Variants in SCAPER observed in about 807,000 individuals in gnomAD.
SCAPER encodes S-phase cyclin A associated protein in the ER.
Under a neutral mutation model 182.2 loss-of-function variants are expected in SCAPER, and 98 were observed. The observed-to-expected ratio is 0.54, with a 90% confidence interval of 0.46 to 0.64. SCAPER has a LOEUF of 0.64. SCAPER is among the 30% of genes least tolerant of loss of function. The probability of loss-of-function intolerance (pLI) is 0.00; values close to 1 mark genes in which losing one functional copy is unlikely to be tolerated. For missense variants in SCAPER, 1,432 were observed against 1,690.0 expected (o/e 0.85, Z 2.68); for synonymous variants, 605 against 564.6 (o/e 1.07, Z -1.01).
intron 2 of SCAPER, among the ~76,000 whole-genome samples, chr15:76,873,321 G>C (rs1224393622): frequency 7.9e-6 from 1 of 125,942 alleles, no homozygotes; most frequent in Non-Finnish European, 1.6e-5. Context: ...AAGGAAGGAA[G>C]GAAGGAAGGA....
chr15:76,380,543 T>C (rs1465074819), intron 28 of SCAPER: 1 of 152,206 alleles, frequency 6.6e-6, no homozygotes, highest in Non-Finnish European at 1.5e-5. Context: ...TTTTCATACA[T>C]TTGTTTCTCT....
At chr15:76,695,208 T>G (rs1046212296) in intron 20 of SCAPER, among the ~76,000 whole-genome samples, 24 of 152,214 alleles carry the variant, frequency 1.6e-4, no homozygotes, top group African/African-American at 5.8e-4. Flanking sequence ...CTAACATAGC[T>G]AAAAATCTGT....
chr15:76,537,531 C>T (rs2044289098), intron 23 of SCAPER, among the ~76,000 whole-genome samples: 1 of 152,122 alleles, frequency 6.6e-6, no homozygotes, highest in South Asian at 2.1e-4. Flanking sequence ...AAAGCTGAAA[C>T]TGGATCCCTT....
At chr15:76,769,085 T>C (rs1568070420) in intron 10 of SCAPER, among the ~76,000 whole-genome samples, 2 of 152,058 alleles carry the variant, frequency 1.3e-5, no homozygotes, top group Non-Finnish European at 2.9e-5. Flanking sequence ...TTTTGCAATC[T>C]ACCCATCTGA....
At chr15:76,421,283 C>T (rs1357486955) in intron 26 of SCAPER, among the ~76,000 whole-genome samples, 12 of 152,042 alleles carry the variant, frequency 7.9e-5, no homozygotes, top group Admixed American at 6.6e-4. Flanking sequence ...CCAGCACCTG[C>T]TGTTTCCTGA....
At chr15:76,353,528 T>C (rs2040745770) in intron 30 of SCAPER, among the ~76,000 whole-genome samples, 1 of 152,234 alleles carries the variant, frequency 6.6e-6, no homozygotes, top group Non-Finnish European at 1.5e-5. Context: ...ATTTTATACA[T>C]ATAAGAAAAT....
chr15:76,547,162 CA>C (rs1244869869), intron 23 of SCAPER, among the ~76,000 whole-genome samples: 1 of 152,166 alleles, frequency 6.6e-6, no homozygotes. Flanking sequence ...CTCTCACCAG[CA>C]GTGTACAGGT....
At chr15:76,524,687 CTGTTT>C (rs2043057166) in intron 23 of SCAPER, among the ~76,000 whole-genome samples, 1 of 25,934 alleles carries the variant, frequency 3.9e-5, no homozygotes, top group Non-Finnish European at 8.0e-5. Context: ...TTTTTTTGTT[CTGTTT>C]TTTTTTTTTT....
chr15:76,428,889 T>TATATATATATATATATATATAG, intron 26 of SCAPER, among the ~76,000 whole-genome samples: 1 of 138,982 alleles, frequency 7.2e-6, no homozygotes, highest in Non-Finnish European at 1.5e-5. Context: ...TATATATATA[T>TATATATATATATATATATATAG]ATATAAACAT....
chr15:76,647,293 T>G (rs1010556614), intron 21 of SCAPER, among the ~76,000 whole-genome samples: 7 of 152,222 alleles, frequency 4.6e-5, no homozygotes, highest in Non-Finnish European at 8.8e-5. Context: ...TATTAAGGCC[T>G]TGACAATTTT....
chr15:76,495,924 T>A (rs79838836), intron 24 of SCAPER, among the ~76,000 whole-genome samples: 2 of 151,304 alleles, frequency 1.3e-5, no homozygotes, highest in Non-Finnish European at 2.9e-5. Flanking sequence ...AGCTGTAGGA[T>A]TAAAGTTCTG....
chr15:76,458,286 T>C (rs1396078740), intron 25 of SCAPER, among the ~76,000 whole-genome samples: 1 of 151,882 alleles, frequency 6.6e-6, no homozygotes, highest in Non-Finnish European at 1.5e-5. Flanking sequence ...TGTGCGTGTA[T>C]ATAAAGGGAA....
intron 21 of SCAPER, among the ~76,000 whole-genome samples, chr15:76,628,599 T>C (rs2052804057): frequency 6.6e-6 from 1 of 152,176 alleles, no homozygotes; most frequent in Non-Finnish European, 1.5e-5. Flanking sequence ...TGGCCTTATT[T>C]CTGGGCTCTG....
chr15:76,647,160 T>G (rs2146467191), intron 21 of SCAPER, among the ~76,000 whole-genome samples: 1 of 152,260 alleles, frequency 6.6e-6, no homozygotes, highest in East Asian at 1.9e-4. Context: ...TATATCCTAG[T>G]AGGAGAAAGC....
chr15:76,830,106 A>G (rs749296754), intron 5 of SCAPER, among the ~76,000 whole-genome samples: 5 of 152,150 alleles, frequency 3.3e-5, no homozygotes, highest in Non-Finnish European at 5.9e-5. Context: ...GGCAAGGAGA[A>G]GGAGGGAAGA....
At chr15:76,620,292 A>C (rs1181128050) in intron 22 of SCAPER, among the ~76,000 whole-genome samples, 1 of 152,160 alleles carries the variant, frequency 6.6e-6, no homozygotes, top group Non-Finnish European at 1.5e-5. Flanking sequence ...GAGTTAGCAC[A>C]CATAGAGTCT....
chr15:76,466,143 T>A (rs1049881300), intron 25 of SCAPER, among the ~76,000 whole-genome samples: 4 of 152,158 alleles, frequency 2.6e-5, no homozygotes, highest in African/African-American at 9.7e-5. Context: ...GGTCACTATT[T>A]AAGTAAACTT....
chr15:76,798,666 A>G (rs958388519), intron 7 of SCAPER, among the ~76,000 whole-genome samples: 9 of 152,210 alleles, frequency 5.9e-5, no homozygotes, highest in Middle Eastern at 3.2e-3. Flanking sequence ...ATCAAGAGAG[A>G]AGTGATGGAT....
Position 76,657,589 on chromosome 15 carries a change from A to AAC in SCAPER, c.2645+8063_2645+8064insGT, listed in dbSNP as rs1406007042. On this transcript the variant is annotated intron_variant, in intron 21 of 31. Transcript: ENST00000563290. ...CAAAATCTGGCAGAGACACAACAAC[A>AAC]AAAAAAAAAAAAAAGAAAGAAAGAA... Among the ~76,000 whole-genome samples the AAC allele has an allele frequency of 6.2e-4, 5 of 8,082 alleles. No homozygotes were observed. The East Asian group carries it at 0.051, about 82-fold the overall frequency. The allele number at this position is 8,082 out of a possible 152,430, so 5.3% of individuals were successfully genotyped here.
Sources: gnomAD v4.1 joint callset for allele counts (sites outside exome capture counted in the v4.1 genomes callset) on GRCh38, gnomAD v4.1.1 for gene constraint, MANE v1.5 for transcripts, NCBI Gene and HGNC (gene_info 2026-07-23, HGNC 2026-07-21) for gene names.